Variants in PRKCA observed in about 807,000 individuals in gnomAD.
PRKCA encodes protein kinase C alpha type.
In PRKCA, 27 loss-of-function variants were observed where a neutral mutation model predicts 87.0. That is an observed-to-expected ratio of 0.31 (90% CI 0.23 to 0.43). The LOEUF (loss-of-function observed/expected upper bound fraction) is 0.43. Ranked by LOEUF, PRKCA falls within the 20% of genes least tolerant of loss-of-function variation. PRKCA has a pLI of 1.00. For synonymous variants in PRKCA, 329 were observed against 311.1 expected, an observed-to-expected ratio of 1.06 and a Z score of -0.61; for missense variants, 518 against 852.3, an observed-to-expected ratio of 0.61 and a Z score of 4.88.
chr17:66,438,113 G>A (rs926170931), intron 2 of PRKCA, among the ~76,000 whole-genome samples: 3 of 152,114 alleles, frequency 2.0e-5, no homozygotes, highest in African/African-American at 4.8e-5. Flanking sequence ...CAGAAGAGCT[G>A]AGGGGTCTCT....
chr17:66,552,540 C>T (rs1385822313), intron 3 of PRKCA, among the ~76,000 whole-genome samples: 2 of 152,204 alleles, frequency 1.3e-5, no homozygotes, highest in Non-Finnish European at 2.9e-5. Flanking sequence ...TCCTCGTTGA[C>T]GTTAGACTGG....
intron 4 of PRKCA, among the ~76,000 whole-genome samples, chr17:66,642,091 C>T (rs1971310667): frequency 6.6e-6 from 1 of 151,966 alleles, no homozygotes; most frequent in African/African-American, 2.4e-5. Flanking sequence ...CATCAACTAC[C>T]AGGAGGAAAG....
intron 8 of PRKCA, among the ~76,000 whole-genome samples, chr17:66,713,049 C>CTTTTTTTTTTTT (rs564655403): frequency 9.6e-6 from 1 of 104,432 alleles, no homozygotes; most frequent in Non-Finnish European, 1.8e-5. Flanking sequence ...CTTTGTTGTC[C>CTTTTTTTTTTTT]TTTTTTTTTT....
At chr17:66,712,009 C>G (rs549245049) in intron 8 of PRKCA, among the ~76,000 whole-genome samples, 41 of 152,124 alleles carry the variant, frequency 2.7e-4, no homozygotes, top group African/African-American at 9.9e-4. Flanking sequence ...TTGTTACTGC[C>G]CCCCCTCCAC....
intron 2 of PRKCA, among the ~76,000 whole-genome samples, chr17:66,339,210 T>C (rs150115294): frequency 6.6e-6 from 1 of 152,354 alleles, no homozygotes; most frequent in Non-Finnish European, 1.5e-5. Flanking sequence ...TCTGGAGTTA[T>C]AACCTTCCAG....
At chr17:66,365,793 C>T (rs1908680915) in intron 2 of PRKCA, among the ~76,000 whole-genome samples, 2 of 152,120 alleles carry the variant, frequency 1.3e-5, no homozygotes, top group East Asian at 1.9e-4. Flanking sequence ...AAGTATTAAA[C>T]GCATGCCAAA....
intron 2 of PRKCA, among the ~76,000 whole-genome samples, chr17:66,463,237 GAA>G (rs1233016371): frequency 6.6e-6 from 1 of 152,074 alleles, no homozygotes; most frequent in African/African-American, 2.4e-5. Context: ...ACTTTTCTCT[GAA>G]ACCGTAAGAA....
intron 5 of PRKCA, among the ~76,000 whole-genome samples, chr17:66,665,320 C>T (rs1972014968): frequency 6.6e-6 from 1 of 152,122 alleles, no homozygotes; most frequent in Non-Finnish European, 1.5e-5. Flanking sequence ...TGAATCTAGG[C>T]AGAACATTTT....
chr17:66,345,527 G>A lies in PRKCA; in HGVS notation c.205+39400G>A, dbSNP rs184513706. On this transcript the variant is annotated intron_variant, in intron 2 of 16. Transcript: ENST00000413366. ...AGCTTCCAGTTCTCTTGAGCCTCCC[G>A]AGGGATGCATTCCCTTCACAAAGTG... 5.2e-3 allele frequency among the ~76,000 whole-genome samples: 789 copies of A among 152,242 alleles called. 4 individuals are homozygous for A. Among genetic ancestry groups the A allele is most frequent in the Non-Finnish European group, 8.7e-3 (591 of 68,008 alleles).
intron 2 of PRKCA, among the ~76,000 whole-genome samples, chr17:66,356,159 A>G (rs1908035247): frequency 6.6e-6 from 1 of 152,100 alleles, no homozygotes; most frequent in South Asian, 2.1e-4. Context: ...TCAGCCTCCC[A>G]AAGTGCTGGG....
At chr17:66,609,299 G>A (rs150927874) in intron 3 of PRKCA, among the ~76,000 whole-genome samples, 7 of 152,032 alleles carry the variant, frequency 4.6e-5, no homozygotes, top group African/African-American at 9.7e-5. Context: ...CATAGGTTAC[G>A]GGGCTACTAC....
At position 66,529,629 on chromosome 17, in the gene PRKCA, T is replaced by G. The variant is rs1823015465; in HGVS notation, c.288+33346T>G. The stretch of plus-strand genomic sequence containing the variant: ...TTTGCAGTTTTCTCCACAGGTAAAA[T>G]GAGATTTTGGAAAATTTTCATTTGT... On this transcript the variant is annotated intron_variant, in intron 3 of 16. Coordinates refer to ENST00000413366, the MANE Select transcript of PRKCA (RefSeq NM_002737.3). Among the ~76,000 whole-genome samples the G allele has an allele frequency of 2.6e-5, 4 of 152,084 alleles. No homozygotes were observed. In the South Asian group the frequency reaches 8.3e-4, roughly 32 times the overall value.
chr17:66,654,091 G>C (rs28562384), intron 5 of PRKCA, among the ~76,000 whole-genome samples: 49 of 152,198 alleles, frequency 3.2e-4, no homozygotes, highest in Non-Finnish European at 6.6e-4. Flanking sequence ...GGCGTTCAGT[G>C]TTCTTGCAGA....
At chr17:66,508,382 T>C (rs988067878) in intron 3 of PRKCA, among the ~76,000 whole-genome samples, 1 of 152,260 alleles carries the variant, frequency 6.6e-6, no homozygotes, top group Admixed American at 6.5e-5. Context: ...ACACTGCCGT[T>C]GGGCGTTGCC....
intron 3 of PRKCA, among the ~76,000 whole-genome samples, chr17:66,497,132 G>T (rs1484156301): frequency 6.6e-6 from 1 of 152,300 alleles, no homozygotes; most frequent in South Asian, 2.1e-4. Context: ...AGTTGCCCAT[G>T]TGTGAACACA....
intron 16 of PRKCA, among the ~76,000 whole-genome samples, chr17:66,800,953 A>T (rs1482439776): frequency 6.6e-6 from 1 of 152,214 alleles, no homozygotes; most frequent in Non-Finnish European, 1.5e-5. Context: ...TTAAAGGAGC[A>T]CACATCCCAG....
chr17:66,554,402 C>A (rs140569616), intron 3 of PRKCA: 1 of 290,434 alleles, frequency 3.4e-6, no homozygotes, highest in Non-Finnish European at 5.2e-6. Flanking sequence ...ATTTTTAGAG[C>A]CTCCATTACC....
intron 3 of PRKCA, among the ~76,000 whole-genome samples, chr17:66,588,317 GA>G (rs1333557661): frequency 6.6e-6 from 1 of 152,102 alleles, no homozygotes; most frequent in Non-Finnish European, 1.5e-5. Context: ...TTTGGGGCAT[GA>G]GGAAGAGAGG....
At chr17:66,590,032 C>T (rs565271112) in intron 3 of PRKCA, among the ~76,000 whole-genome samples, 9 of 152,252 alleles carry the variant, frequency 5.9e-5, no homozygotes, top group African/African-American at 1.9e-4. Flanking sequence ...GCTTGCCCGC[C>T]GCTCACCTCC....
Sources: gnomAD v4.1 joint callset for allele counts (sites outside exome capture counted in the v4.1 genomes callset) on GRCh38, gnomAD v4.1.1 for gene constraint, MANE v1.5 for transcripts, NCBI Gene and HGNC (gene_info 2026-07-23, HGNC 2026-07-21) for gene names.